NNMT: variants seen among roughly 807,000 people sequenced by gnomAD.
The protein encoded by NNMT is nicotinamide N-methyltransferase.
In NNMT, 10 loss-of-function variants were observed where a neutral mutation model predicts 11.7. The observed-to-expected ratio is 0.85, with a 90% CI of 0.53 to 1.45. The LOEUF (loss-of-function observed/expected upper bound fraction) is 1.45. NNMT is among the 40% of genes most tolerant of loss of function. NNMT has a pLI of 0.00. For missense variants in NNMT, 381 were observed against 319.4 expected, an observed-to-expected ratio of 1.19 and a Z score of -1.47; for synonymous variants, 143 against 133.8, an observed-to-expected ratio of 1.07 and a Z score of -0.48.
chr11:114,303,861 C>T (rs767343916), intron 2 of NNMT, among the ~76,000 whole-genome samples: 2 of 152,168 alleles, frequency 1.3e-5, no homozygotes, highest in African/African-American at 2.4e-5. Context: ...CAGGTCCACA[C>T]TGCCATAGCT....
At chr11:114,271,784 C>T (rs1039814313) in intron 2 of NNMT, among the ~76,000 whole-genome samples, 15 of 152,154 alleles carry the variant, frequency 9.9e-5, no homozygotes, top group Non-Finnish European at 8.8e-5. Context: ...ACATCTTCAT[C>T]CTAGTATCTC....
chr11:114,297,212 C>A (rs1484971037), intron 1 of NNMT, among the ~76,000 whole-genome samples: 1 of 152,182 alleles, frequency 6.6e-6, no homozygotes, highest in Non-Finnish European at 1.5e-5. Context: ...CTTTCTGGAT[C>A]TGGTGTTCAG....
At chr11:114,298,383 G>T (rs1945405647) in intron 2 of NNMT, 4 of 533,126 alleles carry the variant, frequency 7.5e-6, no homozygotes, top group East Asian at 3.3e-5. Context: ...CAGGGAGAGG[G>T]TTGAAGAAAT....
intron 1 of NNMT, among the ~76,000 whole-genome samples, chr11:114,259,703 ACT>A (rs1945060940): frequency 2.5e-5 from 2 of 81,500 alleles, no homozygotes; most frequent in Non-Finnish European, 5.2e-5. Context: ...GTGAAAGTGA[ACT>A]CGCTCATTTA....
At chr11:114,301,813 G>A (rs768485193) in intron 2 of NNMT, among the ~76,000 whole-genome samples, 20 of 151,434 alleles carry the variant, frequency 1.3e-4, no homozygotes, top group Non-Finnish European at 2.2e-4. Context: ...TTGATTTTGC[G>A]GTGAACCTAA....
intron 2 of NNMT, among the ~76,000 whole-genome samples, chr11:114,304,303 C>A (rs191217698): frequency 5.9e-5 from 9 of 152,310 alleles, no homozygotes; most frequent in South Asian, 2.1e-4. Context: ...GCCTTTCCAT[C>A]TCATTCAAAA....
intron 2 of NNMT, among the ~76,000 whole-genome samples, chr11:114,278,167 C>T (rs1360253555): frequency 6.6e-6 from 1 of 152,106 alleles, no homozygotes; most frequent in African/African-American, 2.4e-5. Context: ...CTGTTGAGGC[C>T]TCAGGAAGCT....
chr11:114,308,202 C>T (rs532727714), intron 2 of NNMT, among the ~76,000 whole-genome samples: 1 of 152,252 alleles, frequency 6.6e-6, no homozygotes, highest in African/African-American at 2.4e-5. Context: ...TGGTCTCTGT[C>T]AAAGATGCAC....
At chr11:114,289,190 A>G (rs1945318665) in intron 2 of NNMT, among the ~76,000 whole-genome samples, 1 of 152,174 alleles carries the variant, frequency 6.6e-6, no homozygotes, top group African/African-American at 2.4e-5. Context: ...TATTTGTAAT[A>G]TCTTGTTATT....
chr11:114,261,556 C>T (rs1945080833), intron 1 of NNMT, among the ~76,000 whole-genome samples: 1 of 152,110 alleles, frequency 6.6e-6, no homozygotes, highest in Admixed American at 6.5e-5. Context: ...TGCATTCCAG[C>T]CTGGGCGACA....
intron 2 of NNMT, among the ~76,000 whole-genome samples, chr11:114,303,967 G>T (rs1249778425): frequency 1.3e-5 from 2 of 152,134 alleles, no homozygotes; most frequent in Non-Finnish European, 2.9e-5. Context: ...CCCTGACTTA[G>T]AATTTTATAT....
rs1425613118 is a variant in NNMT, at chr11:114,287,959, C to T, written c.-129-8469C>T. Among the ~76,000 whole-genome samples the T allele has an allele frequency of 5.9e-5, 9 of 152,148 alleles. No individual in the cohort carries two copies. The East Asian group carries it at 1.3e-3, about 23-fold the overall frequency. On this transcript the variant is annotated intron_variant, in intron 2 of 4. Transcript: ENST00000535401. ...CCATTAATGTCTTATACATAGTTTG[C>T]TGGATTTATTCTTAGGTACTTCATA...
chr11:114,285,365 A>G (rs545576972), intron 2 of NNMT, among the ~76,000 whole-genome samples: 21 of 152,258 alleles, frequency 1.4e-4, no homozygotes, highest in Non-Finnish European at 2.2e-4. Flanking sequence ...TGACGCCCTT[A>G]TGGTCTGCAG....
intron 2 of NNMT, among the ~76,000 whole-genome samples, chr11:114,289,609 C>T (rs572804331): frequency 4.6e-5 from 7 of 152,202 alleles, no homozygotes; most frequent in African/African-American, 1.7e-4. Context: ...TCTTCTTTGA[C>T]CCATAGGTTG....
intron 2 of NNMT, among the ~76,000 whole-genome samples, chr11:114,305,353 T>A (rs545143545): frequency 7.5e-4 from 113 of 151,668 alleles, no homozygotes; most frequent in Middle Eastern, 3.4e-3. Context: ...TTTTTTTTTT[T>A]AATTTTTTAT....
chr11:114,293,988 A>T (rs575850800), upstream of NNMT, among the ~76,000 whole-genome samples: 3 of 152,192 alleles, frequency 2.0e-5, no homozygotes, highest in Non-Finnish European at 4.4e-5. Flanking sequence ...TTGCAATAAC[A>T]TGGATGGAAC....
At chr11:114,271,073 G>A (rs74516396) in intron 2 of NNMT, among the ~76,000 whole-genome samples, 3,729 of 152,154 alleles carry the variant, frequency 0.025, 131 homozygotes, top group African/African-American at 0.081. Context: ...CACCATGCTC[G>A]GCTCCGAATG....
At chr11:114,303,919 G>C (rs1025450895) in intron 2 of NNMT, among the ~76,000 whole-genome samples, 23 of 152,160 alleles carry the variant, frequency 1.5e-4, no homozygotes, top group African/African-American at 5.1e-4. Context: ...GCCCAGGCCG[G>C]TGAGAGCCTA....
At chr11:114,271,369 C>T (rs1257126597) in intron 2 of NNMT, among the ~76,000 whole-genome samples, 2 of 152,150 alleles carry the variant, frequency 1.3e-5, no homozygotes, top group African/African-American at 4.8e-5. Context: ...GTGTCTGGCA[C>T]TAAGTACCAC....
Sources: allele counts gnomAD v4.1 joint callset (sites outside exome capture counted in the v4.1 genomes callset), GRCh38; gene constraint gnomAD v4.1.1; transcripts MANE v1.5; gene names NCBI Gene and HGNC (gene_info 2026-07-23, HGNC 2026-07-21).